The following CBR4 variants were observed in gnomAD, a reference collection of about 807,000 sequenced individuals.
The protein encoded by CBR4 is 3-oxoacyl-[acyl-carrier-protein] reductase.
Under a neutral mutation model 21.0 loss-of-function variants are expected in CBR4, and 22 were observed. The observed-to-expected ratio is 1.05, with a 90% CI of 0.75 to 1.50. The LOEUF (loss-of-function observed/expected upper bound fraction) is 1.50, where lower values mean the gene tolerates loss of function less well. Ranked by LOEUF, CBR4 falls within the 40% of genes most tolerant of loss-of-function variation. The probability of loss-of-function intolerance (pLI) is 0.00; values close to 1 mark genes in which losing one functional copy is unlikely to be tolerated. For missense variants in CBR4, 302 were observed against 286.3 expected (o/e 1.05, Z -0.40); for synonymous variants, 100 against 104.4 (o/e 0.96, Z 0.26).
At chr4:169,005,226 G>A (rs2126867425) in intron 3 of CBR4, 1 of 152,164 alleles carries the variant, frequency 6.6e-6, no homozygotes, top group East Asian at 1.9e-4. Flanking sequence ...AAAAATACAT[G>A]CACGAAAAAA....
At chr4:168,953,456 C>T in intron 2 of CBR4, among the ~76,000 whole-genome samples, 1 of 151,934 alleles carries the variant, frequency 6.6e-6, no homozygotes, top group South Asian at 2.1e-4. Flanking sequence ...GACAGGGTCT[C>T]ATTCCGTTGC....
At chr4:168,985,214 T>A (rs981125206), downstream of CBR4, among the ~76,000 whole-genome samples, 2 of 151,826 alleles carry the variant, frequency 1.3e-5, no homozygotes, top group Non-Finnish European at 2.9e-5. Context: ...AATGACAACA[T>A]TAAAAAATGG....
At chr4:168,957,987 A>G (rs1442251063) in intron 2 of CBR4, among the ~76,000 whole-genome samples, 1 of 152,180 alleles carries the variant, frequency 6.6e-6, no homozygotes, top group Non-Finnish European at 1.5e-5. Context: ...AAGTTTCCTG[A>G]GGCCTCCCCA....
chr4:168,974,475 T>C (rs1456972890), intron 2 of CBR4, among the ~76,000 whole-genome samples: 2 of 152,212 alleles, frequency 1.3e-5, no homozygotes, highest in African/African-American at 2.4e-5. Context: ...CCAGGGAAGT[T>C]TTCCTTGATT....
At chr4:169,008,335 T>C (rs754077192) in intron 1 of CBR4, among the ~76,000 whole-genome samples, 10 of 152,086 alleles carry the variant, frequency 6.6e-5, no homozygotes, top group Non-Finnish European at 1.3e-4. Context: ...AAAACACTTT[T>C]TACTAAAAGC....
Position 168,989,776 on chromosome 4 carries a change from T to A in CBR4, c.*374A>T. 1.0e-6 allele frequency: 1 copy of A among 992,488 alleles called. No individual in the cohort carries two copies. Among genetic ancestry groups the A allele is most frequent in the Non-Finnish European group, 1.2e-6 (1 of 834,862 alleles). 61.5% of individuals were successfully genotyped at this position (992,488 alleles called of 1,614,324 possible). On this transcript the variant is annotated 3_prime_UTR_variant, in exon 5 of 5. Coordinates refer to ENST00000306193, the MANE Select transcript of CBR4 (RefSeq NM_032783.5). The stretch of plus-strand genomic sequence containing the variant: ...TATACACTAAGATTGCTACAGTCTA[T>A]GAGGTAACCAAAGGTAAGTGATACA...
rs1260009629 is a variant in CBR4 at position 169,009,934 on chromosome 4, A to G, written c.142+14T>C. On this transcript the variant is annotated intron_variant, in intron 1 of 4. Coordinates refer to ENST00000306193, the MANE Select transcript of CBR4 (RefSeq NM_032783.5). ...CGCGGCCATACAACTGGACAACTCC[A>G]GTTTGGTACCTACCGCCGAGGTCAC... is the stretch of plus-strand genomic sequence containing the variant. 1 of 1,607,340 alleles carries G rather than the reference A, an allele frequency of 6.2e-7. No individual in the cohort carries two copies. Among genetic ancestry groups the G allele is most frequent in the Non-Finnish European group, 8.5e-7 (1 of 1,177,292 alleles).
At chr4:168,921,882 A>G in intron 2 of CBR4, 1 of 750,974 alleles carries the variant, frequency 1.3e-6, no homozygotes, top group South Asian at 1.5e-5. Flanking sequence ...CAATGAGGAC[A>G]TGGTTATAAG....
At chr4:168,905,790 C>CTTTTTTTT (rs59427697) in intron 2 of CBR4, among the ~76,000 whole-genome samples, 4,167 of 112,650 alleles carry the variant, frequency 0.037, 9 homozygotes, top group East Asian at 0.072. Flanking sequence ...GCTTTTTTTT[C>CTTTTTTTT]TTTTTTTTTT....
chr4:168,979,218 T>C (rs1051224912), intron 2 of CBR4, among the ~76,000 whole-genome samples: 1 of 149,156 alleles, frequency 6.7e-6, no homozygotes, highest in Non-Finnish European at 1.5e-5. Flanking sequence ...TCTCAGCTGG[T>C]AGTAGCTCTG....
chr4:168,943,232 A>G (rs1404416054), intron 2 of CBR4, among the ~76,000 whole-genome samples: 2 of 152,174 alleles, frequency 1.3e-5, no homozygotes, highest in African/African-American at 4.8e-5. Flanking sequence ...GCCGCTGACA[A>G]AAGGGTACAG....
chr4:168,910,220 CT>C (rs70961563), intron 2 of CBR4, among the ~76,000 whole-genome samples: 18,103 of 113,892 alleles, frequency 0.16, 1,195 homozygotes, highest in African/African-American at 0.26. Context: ...AACCTGTTTA[CT>C]TTTTTTTTTT....
intron 2 of CBR4, among the ~76,000 whole-genome samples, chr4:168,911,877 C>T (rs887054436): frequency 1.3e-5 from 2 of 152,148 alleles, no homozygotes; most frequent in African/African-American, 2.4e-5. Context: ...GAATGCCAGA[C>T]GGAGTCACAT....
chr4:169,007,137 TA>T (rs1398758254), intron 2 of CBR4, among the ~76,000 whole-genome samples: 1 of 152,194 alleles, frequency 6.6e-6, no homozygotes, highest in African/African-American at 2.4e-5. Context: ...CAAATATTCT[TA>T]ACCCCTAAAA....
chr4:168,963,561 A>G (rs1763926686), intron 2 of CBR4, among the ~76,000 whole-genome samples: 1 of 149,856 alleles, frequency 6.7e-6, no homozygotes, highest in African/African-American at 2.5e-5. Flanking sequence ...ACCTTCGCCT[A>G]CTGGGTTCAA....
intron 2 of CBR4, among the ~76,000 whole-genome samples, chr4:168,895,227 C>A (rs1310192911): frequency 6.6e-6 from 1 of 152,046 alleles, no homozygotes; most frequent in East Asian, 1.9e-4. Flanking sequence ...ACTAAAAATA[C>A]AAAAATTAGC....
intron 1 of CBR4, among the ~76,000 whole-genome samples, chr4:169,008,349 TGTTA>T (rs1242935936): frequency 1.3e-5 from 2 of 152,140 alleles, no homozygotes; most frequent in African/African-American, 4.8e-5. Context: ...TAAAAGCAAC[TGTTA>T]CTTACCACTT....
intron 2 of CBR4, among the ~76,000 whole-genome samples, chr4:168,971,137 A>AT (rs1412724253): frequency 6.6e-6 from 1 of 151,920 alleles, no homozygotes; most frequent in South Asian, 2.1e-4. Context: ...AACATCTATT[A>AT]TTTTTTTATT....
chr4:168,963,254 A>G (rs1335429830), intron 2 of CBR4, among the ~76,000 whole-genome samples: 2 of 152,210 alleles, frequency 1.3e-5, no homozygotes, highest in Non-Finnish European at 2.9e-5. Flanking sequence ...ATAGCACCTC[A>G]GCTAGGAAAA....
Sources: allele counts gnomAD v4.1 joint callset (sites outside exome capture counted in the v4.1 genomes callset), GRCh38; gene constraint gnomAD v4.1.1; transcripts MANE v1.5; gene names NCBI Gene and HGNC (gene_info 2026-07-23, HGNC 2026-07-21).